The following FAM221A variants were observed in gnomAD, a reference collection of about 807,000 sequenced individuals.
The protein encoded by FAM221A is protein FAM221A.
Under a neutral mutation model 37.6 loss-of-function variants are expected in FAM221A, and 43 were observed. The ratio of observed to expected loss-of-function variants is 1.15; its 90% CI spans 0.90 to 1.48. The LOEUF (loss-of-function observed/expected upper bound fraction) is 1.48, where lower values mean the gene tolerates loss of function less well. Ranked by LOEUF, FAM221A falls within the 40% of genes most tolerant of loss-of-function variation. The pLI is 0.00. For synonymous variants in FAM221A, 135 were observed against 132.9 expected, an observed-to-expected ratio of 1.02 and a Z score of -0.11; for missense variants, 361 against 361.5, an observed-to-expected ratio of 1.00 and a Z score of 0.01.
intron 6 of FAM221A, 22 bp from the exon 7 acceptor site, chr7:23,702,073 CA>C (rs750323539): frequency 6.6e-7 from 1 of 1,521,006 alleles, no homozygotes; most frequent in South Asian, 1.2e-5. Flanking sequence ...GTTATTATAT[CA>C]ATAAATATGT....
At chr7:23,691,650 A>C (rs1474408936) in intron 4 of FAM221A, 54 bp downstream of exon 4, 3 of 1,416,762 alleles carry the variant, frequency 2.1e-6, no homozygotes, top group Admixed American at 3.4e-5. Context: ...ATGTGTGCTA[A>C]CAATAGTGAA....
chr7:23,690,209 T>A (rs1162232610), intron 3 of FAM221A, among the ~76,000 whole-genome samples: 3 of 109,088 alleles, frequency 2.8e-5, no homozygotes, highest in Admixed American at 1.9e-4. Context: ...ATTTTTTTTT[T>A]TTTTAATAGA....
At chr7:23,699,292 C>CT (rs71552250) in intron 5 of FAM221A, among the ~76,000 whole-genome samples, 2,681 of 150,108 alleles carry the variant, frequency 0.018, 67 homozygotes, top group African/African-American at 0.061. Context: ...ATTAAAAAAA[C>CT]TTTTTTTTTG....
At chr7:23,701,097 G>A (rs771083615) in intron 6 of FAM221A, among the ~76,000 whole-genome samples, 2 of 152,058 alleles carry the variant, frequency 1.3e-5, no homozygotes, top group Non-Finnish European at 2.9e-5. Flanking sequence ...GGATAAATAC[G>A]CAGATAAAAT....
chr7:23,684,465 C>T, intron 1 of FAM221A, 34 bp from the exon 2 acceptor site: 1 of 1,488,066 alleles, frequency 6.7e-7, no homozygotes. Flanking sequence ...AATAAATACT[C>T]AAAGCTTAAG....
intron 2 of FAM221A, among the ~76,000 whole-genome samples, chr7:23,685,350 A>T (rs961483461): frequency 2.6e-5 from 4 of 152,202 alleles, no homozygotes; most frequent in East Asian, 1.9e-4. Context: ...ATAATTAAAA[A>T]TTTTCCATCA....
intron 2 of FAM221A, chr7:23,686,205 C>A: frequency 3.1e-6 from 1 of 323,612 alleles, no homozygotes; most frequent in South Asian, 2.3e-5. Flanking sequence ...TTTAGTGCCA[C>A]TTTCTAATCT....
rs768409590 is a variant in FAM221A, at chr7:23,689,415, T to TC, written c.386_387insC (p.Ala130CysfsTer2). Reference sequence around the variant, plus strand: ...CCCATTCGCTGCAGGTGCAAACACTTTGCTGATCAGCACAGTGCTGCGCCT... The same window carrying TC: ...CCCATTCGCTGCAGGTGCAAACACTTCTGCTGATCAGCACAGTGCTGCGCCT... On this transcript the variant is annotated frameshift_variant, in exon 3 of 7. Coordinates refer to ENST00000344962, the MANE Select transcript of FAM221A (RefSeq NM_199136.5). LOFTEE classifies it high-confidence loss of function. 2 of 1,605,200 alleles carry TC rather than the reference T, an allele frequency of 1.2e-6. No individual in the cohort carries two copies. Among genetic ancestry groups the TC allele is most frequent in the South Asian group, 2.2e-5 (2 of 90,566 alleles).
At chr7:23,684,979 G>C (rs1784280937) in intron 2 of FAM221A, among the ~76,000 whole-genome samples, 2 of 152,218 alleles carry the variant, frequency 1.3e-5, no homozygotes, top group South Asian at 2.1e-4. Flanking sequence ...GCCGAGCTCA[G>C]TGGCTGACGC....
chr7:23,702,182 A>G lies in FAM221A; in HGVS notation c.*18A>G. 1 of 1,508,590 alleles carries G rather than the reference A, an allele frequency of 6.6e-7. No homozygotes were observed. Among genetic ancestry groups the G allele is most frequent in the Non-Finnish European group, 9.0e-7 (1 of 1,106,864 alleles). The allele number at this position is 1,508,590 out of a possible 1,614,324, so 93.5% of individuals were successfully genotyped here. On this transcript the variant is annotated 3_prime_UTR_variant, in exon 7 of 7. Transcript: ENST00000344962. ...CTTCATGAAGACTATTGGAGAAATT[A>G]AAACCATCATCCAAGTATCTTTTTC...
At chr7:23,697,003 TCG>T (rs1374625772) in intron 4 of FAM221A, among the ~76,000 whole-genome samples, 1 of 151,928 alleles carries the variant, frequency 6.6e-6, no homozygotes, top group East Asian at 1.9e-4. Flanking sequence ...TTCCCTAAGC[TCG>T]GGGACTCAAT....
intron 5 of FAM221A, among the ~76,000 whole-genome samples, chr7:23,698,867 G>C (rs565513307): frequency 8.5e-5 from 13 of 152,138 alleles, no homozygotes; most frequent in African/African-American, 3.1e-4. Context: ...GAATTTTAAG[G>C]CTGCTTGCCT....
intron 4 of FAM221A, among the ~76,000 whole-genome samples, chr7:23,695,081 C>T (rs1014389718): frequency 1.8e-4 from 27 of 152,156 alleles, no homozygotes; most frequent in African/African-American, 6.5e-4. Flanking sequence ...GCAGTCCTCC[C>T]ACCCAACCTC....
At chr7:23,686,262 C>G (rs894800572) in intron 2 of FAM221A, 1 of 434,748 alleles carries the variant, frequency 2.3e-6, no homozygotes, top group Non-Finnish European at 4.5e-6. Flanking sequence ...ATTGATCCAA[C>G]TCAACTTTTT....
intron 2 of FAM221A, among the ~76,000 whole-genome samples, chr7:23,685,887 C>T (rs980196352): frequency 1.2e-4 from 18 of 152,288 alleles, no homozygotes; most frequent in African/African-American, 4.3e-4. Flanking sequence ...TGAACCTGTT[C>T]CATGTTTTCA....
chr7:23,691,183 G>GTT (rs775358624), intron 3 of FAM221A, among the ~76,000 whole-genome samples: 4 of 146,324 alleles, frequency 2.7e-5, no homozygotes, highest in Admixed American at 6.8e-5. Context: ...GTGTTTTGCA[G>GTT]TTTTTTTTTT....
intron 4 of FAM221A, chr7:23,692,173 A>G: frequency 1.0e-6 from 1 of 971,038 alleles, no homozygotes; most frequent in Non-Finnish European, 1.2e-6. Flanking sequence ...TCTATTCTAA[A>G]CTATTAAAGG....
In FAM221A at chr7:23,689,119, A is replaced by AT. The variant is rs1307562559; in HGVS notation, c.240-149dup. ...AAGCAACATAGGTGATACAAGTACT[A>AT]TATGTAGGAGAGTTTATTTTCACCT... On this transcript the variant is annotated intron_variant, in intron 2 of 6. Transcript: ENST00000344962. The AT allele has an allele frequency of 6.1e-6, 3 of 492,012 alleles. No individual in the cohort carries two copies. The Admixed American group carries it at 9.6e-5, about 16-fold the overall frequency. The allele number at this position is 492,012 out of a possible 1,614,324, so 30.5% of individuals were successfully genotyped here.
chr7:23,695,564 G>A (rs1194357256), intron 4 of FAM221A, among the ~76,000 whole-genome samples: 1 of 152,088 alleles, frequency 6.6e-6, no homozygotes, highest in East Asian at 1.9e-4. Flanking sequence ...GTAGAGGCAT[G>A]GTTTCACCAT....
Sources: gnomAD v4.1 joint callset for allele counts (sites outside exome capture counted in the v4.1 genomes callset) on GRCh38, gnomAD v4.1.1 for gene constraint, MANE v1.5 for transcripts, NCBI Gene and HGNC (gene_info 2026-07-23, HGNC 2026-07-21) for gene names.